CTNNBL1: variants seen among roughly 807,000 people sequenced by gnomAD.
The protein encoded by CTNNBL1 is beta-catenin-like protein 1.
CTNNBL1 carries 31 observed loss-of-function variants against 72.7 expected under a neutral mutation model. The ratio of observed to expected loss-of-function variants is 0.43; its 90% CI spans 0.32 to 0.58. CTNNBL1 has a LOEUF of 0.58. CTNNBL1 is among the 20% of genes least tolerant of loss of function. The probability of loss-of-function intolerance (pLI) is 0.08; values close to 1 mark genes in which losing one functional copy is unlikely to be tolerated. For missense variants in CTNNBL1, 534 were observed against 725.1 expected (o/e 0.74, Z 3.03); for synonymous variants, 240 against 267.3 (o/e 0.90, Z 1.00).
rs748375810 is a variant in CTNNBL1 at position 37,757,636 on chromosome 20, G to C, written c.544G>C (p.Glu182Gln). The change falls in exon 5 of 16, where the codon GAA becomes CAA. Residue 182 changes from glutamate (E) to glutamine (Q), a missense_variant. Physicochemically the swap from Glu to Gln is conservative, Grantham distance 29. Transcript: ENST00000361383. ...DTLHESEEGA[E>Q]VLIDALVDGQ... The stretch of plus-strand genomic sequence containing the variant: ...CCTCCATGAGAGTGAAGAGGGAGCA[G>C]AAGTGCTCATCGATGCTCTGGTAAG... 1.2e-6 allele frequency: 2 copies of C among 1,613,618 alleles called. No homozygotes were observed. Among genetic ancestry groups the C allele is most frequent in the South Asian group, 2.2e-5 (2 of 91,044 alleles).
intron 11 of CTNNBL1, among the ~76,000 whole-genome samples, chr20:37,808,260 A>G (rs1212279747): frequency 1.3e-5 from 2 of 152,228 alleles, no homozygotes; most frequent in African/African-American, 4.8e-5. Flanking sequence ...ATCAGGAAGC[A>G]TACGGCTGCC....
intron 1 of CTNNBL1, among the ~76,000 whole-genome samples, chr20:37,731,923 A>G (rs2073132418): frequency 6.6e-6 from 1 of 152,246 alleles, no homozygotes; most frequent in South Asian, 2.1e-4. Flanking sequence ...TGTTGGTTAC[A>G]TACCCAAAAG....
intron 10 of CTNNBL1, among the ~76,000 whole-genome samples, chr20:37,785,292 C>G (rs955411848): frequency 1.3e-5 from 2 of 152,122 alleles, no homozygotes; most frequent in African/African-American, 4.8e-5. Context: ...TTTGTTCTTG[C>G]ATATTGATAT....
chr20:37,825,331 C>T (rs901585532), intron 11 of CTNNBL1, among the ~76,000 whole-genome samples: 18 of 151,452 alleles, frequency 1.2e-4, no homozygotes, highest in Non-Finnish European at 5.9e-5. Context: ...CCAGCCTGGG[C>T]GGCAGAATGA....
Position 37,867,501 on chromosome 20 carries a change from G to A in CTNNBL1, c.1604-4424G>A, listed in dbSNP as rs546106563. Among the ~76,000 whole-genome samples, 8 of 152,112 alleles carry A rather than the reference G, an allele frequency of 5.3e-5. No homozygotes were observed. The South Asian group carries it at 1.0e-3, about 20-fold the overall frequency. On this transcript the variant is annotated intron_variant, in intron 15 of 15. Coordinates refer to ENST00000361383, the MANE Select transcript of CTNNBL1 (RefSeq NM_030877.5). ...CTAAAGTTTGCTTTAATATTTATGC[G>A]TTCAGCACTGCTGCCTGTTTCTGAG...
At chr20:37,800,191 A>G (rs1429234067) in intron 10 of CTNNBL1, among the ~76,000 whole-genome samples, 2 of 152,134 alleles carry the variant, frequency 1.3e-5, no homozygotes, top group Non-Finnish European at 2.9e-5. Flanking sequence ...CCTGTTTTTG[A>G]TGAATACTGC....
In CTNNBL1 at chr20:37,850,303, A is replaced by G. The variant is rs147351600; in HGVS notation, c.1392+7884A>G. Among the ~76,000 whole-genome samples the G allele has an allele frequency of 2.7e-3, 410 of 152,314 alleles. 12 individuals are homozygous for G. In the East Asian group the frequency reaches 0.073, roughly 27 times the overall value. ...AGCATCATGGTAATATGGAAGGAAC[A>G]TAAGTATGGCGTCATGCAAGCCCAA... On this transcript the variant is annotated intron_variant, in intron 13 of 15. Coordinates refer to ENST00000361383, the MANE Select transcript of CTNNBL1 (RefSeq NM_030877.5).
At chr20:37,764,211 G>T (rs180950644) in intron 5 of CTNNBL1, among the ~76,000 whole-genome samples, 10 of 152,282 alleles carry the variant, frequency 6.6e-5, no homozygotes, top group East Asian at 3.9e-4. Flanking sequence ...TGAGAGGGAG[G>T]ATAACGCAAA....
At chr20:37,835,821 C>T (rs909458113) in intron 11 of CTNNBL1, among the ~76,000 whole-genome samples, 3 of 152,062 alleles carry the variant, frequency 2.0e-5, no homozygotes. Flanking sequence ...TCTAGATAGC[C>T]ATTTTTAAAA....
intron 11 of CTNNBL1, among the ~76,000 whole-genome samples, chr20:37,816,575 T>C (rs2072060937): frequency 6.6e-6 from 1 of 152,230 alleles, no homozygotes; most frequent in South Asian, 2.1e-4. Context: ...GTGATTTATA[T>C]ACTATAAAAT....
chr20:37,730,974 A>G (rs1282822646), intron 1 of CTNNBL1, among the ~76,000 whole-genome samples: 1 of 152,022 alleles, frequency 6.6e-6, no homozygotes, highest in African/African-American at 2.4e-5. Context: ...TATTATTATT[A>G]TATTTGATTT....
chr20:37,792,461 A>G (rs560148988), intron 10 of CTNNBL1, among the ~76,000 whole-genome samples: 8 of 152,330 alleles, frequency 5.3e-5, no homozygotes, highest in African/African-American at 1.9e-4. Context: ...GGAATGCACC[A>G]TGATGCTGGG....
chr20:37,694,059 G>C lies in CTNNBL1; in HGVS notation c.-64G>C. The stretch of plus-strand genomic sequence containing the variant: ...TTTACGGCAGTGTGGCTGGAGCCGC[G>C]GCTGACGGGCCCGCGGTCTGGGCGT... On this transcript the variant is annotated 5_prime_UTR_variant, in exon 1 of 16. Coordinates refer to ENST00000361383, the MANE Select transcript of CTNNBL1 (RefSeq NM_030877.5). The C allele has an allele frequency of 1.3e-6, 2 of 1,567,296 alleles. No individual in the cohort carries two copies. The highest frequency in any genetic ancestry group is 1.7e-6 in the Non-Finnish European group (2 of 1,153,584).
chr20:37,848,502 G>A (rs893307749), intron 13 of CTNNBL1, among the ~76,000 whole-genome samples: 5 of 152,070 alleles, frequency 3.3e-5, no homozygotes, highest in Non-Finnish European at 5.9e-5. Context: ...TCAGTCCATA[G>A]ATTTGCCAAA....
intron 15 of CTNNBL1, among the ~76,000 whole-genome samples, chr20:37,861,373 G>A (rs932204034): frequency 2.0e-5 from 3 of 152,186 alleles, no homozygotes; most frequent in African/African-American, 7.2e-5. Flanking sequence ...CAGCCCCACC[G>A]TCAGCCACCT....
chr20:37,851,678 C>A (rs1214636412), intron 13 of CTNNBL1, among the ~76,000 whole-genome samples: 1 of 152,224 alleles, frequency 6.6e-6, no homozygotes, highest in African/African-American at 2.4e-5. Context: ...AGATTCATCT[C>A]TTTAAGCCTC....
At chr20:37,717,998 T>C (rs1351522085) in intron 1 of CTNNBL1, among the ~76,000 whole-genome samples, 1 of 152,184 alleles carries the variant, frequency 6.6e-6, no homozygotes, top group African/African-American at 2.4e-5. Context: ...AAGTCTCCCA[T>C]GTCTACTTCT....
At position 37,841,116 on chromosome 20, in the gene CTNNBL1, C is replaced by G. The variant is rs966395967; in HGVS notation, c.1311+917C>G. Among the ~76,000 whole-genome samples the G allele has an allele frequency of 2.6e-5, 4 of 152,348 alleles. No homozygotes were observed. In the South Asian group the frequency reaches 8.3e-4, roughly 32 times the overall value. Reference sequence around the variant, plus strand: ...ACTTTCATCGTTGCATATATTGTTACAACACTGTGGTTTATTTATCCTTGT... The same window carrying G: ...ACTTTCATCGTTGCATATATTGTTAGAACACTGTGGTTTATTTATCCTTGT... On this transcript the variant is annotated intron_variant, in intron 12 of 15. Coordinates refer to ENST00000361383, the MANE Select transcript of CTNNBL1 (RefSeq NM_030877.5).
intron 3 of CTNNBL1, among the ~76,000 whole-genome samples, chr20:37,745,790 T>G (rs2073256533): frequency 1.3e-5 from 2 of 152,236 alleles, no homozygotes; most frequent in Admixed American, 1.3e-4. Flanking sequence ...ATTTCTTGTA[T>G]GTCAAACACC....
Sources: allele counts gnomAD v4.1 joint callset (sites outside exome capture counted in the v4.1 genomes callset), GRCh38; gene constraint gnomAD v4.1.1; transcripts MANE v1.5; gene names NCBI Gene and HGNC (gene_info 2026-07-23, HGNC 2026-07-21).